Variants in MBD5 observed in about 807,000 individuals in gnomAD.
MBD5 encodes methyl-CpG-binding domain protein 5.
Under a neutral mutation model 117.3 loss-of-function variants are expected in MBD5, and 13 were observed. The observed-to-expected ratio is 0.11, with a 90% CI of 0.07 to 0.18. The LOEUF is 0.18. MBD5 is among the 10% of genes least tolerant of loss of function. The pLI, the probability that MBD5 is intolerant of heterozygous loss-of-function variation, is 1.00. For synonymous variants in MBD5, 727 were observed against 766.4 expected (o/e 0.95, Z 0.85); for missense variants, 1,879 against 2,093.8 (o/e 0.90, Z 2.00).
rs927931779 is a variant in MBD5, at chr2:148,515,327, A to G, written c.*2386A>G. ...ATTGTATACTTTACATAAGTAGACCATGTAAAGTATGTTTGTGCCCATGAT... is the reference window on the plus strand; with the variant it reads ...ATTGTATACTTTACATAAGTAGACCGTGTAAAGTATGTTTGTGCCCATGAT... On this transcript the variant is annotated 3_prime_UTR_variant, in exon 14 of 14. Coordinates refer to ENST00000642680, the MANE Select transcript of MBD5 (RefSeq NM_001378120.1). 3 of 152,210 alleles carry G rather than the reference A, an allele frequency of 2.0e-5. No individual in the cohort carries two copies. Among genetic ancestry groups the G allele is most frequent in the Admixed American group, 6.5e-5 (1 of 15,278 alleles). 9.4% of individuals were successfully genotyped at this position (152,210 alleles called of 1,614,324 possible).
In MBD5 at chr2:148,440,183, AC is replaced by A. The variant is rs1423544470; in HGVS notation, c.-556-18019del. Reference sequence around the variant, plus strand: ...AGACTACTGATAAAATAATTTGAAAACTAGTCTAATCTATTATTTTTACAAA... The same window carrying A: ...AGACTACTGATAAAATAATTTGAAAATAGTCTAATCTATTATTTTTACAAA... On this transcript the variant is annotated intron_variant, in intron 4 of 13. Coordinates refer to ENST00000642680, the MANE Select transcript of MBD5 (RefSeq NM_001378120.1). Among the ~76,000 whole-genome samples the A allele has an allele frequency of 2.0e-5, 3 of 152,332 alleles. No individual in the cohort carries two copies. The East Asian group carries it at 5.8e-4, about 29-fold the overall frequency.
At chr2:148,083,346 C>T (rs551630238) in intron 1 of MBD5, among the ~76,000 whole-genome samples, 30 of 151,990 alleles carry the variant, frequency 2.0e-4, no homozygotes, top group African/African-American at 5.5e-4. Context: ...AATATTTTTG[C>T]GAAAGGATTG....
At chr2:148,461,420 A>G (rs1366841837) in intron 5 of MBD5, among the ~76,000 whole-genome samples, 2 of 152,206 alleles carry the variant, frequency 1.3e-5, no homozygotes, top group Non-Finnish European at 2.9e-5. Flanking sequence ...AATTACTTTC[A>G]TAAGTGTCCA....
intron 1 of MBD5, among the ~76,000 whole-genome samples, chr2:148,065,852 C>T (rs1695174052): frequency 1.3e-5 from 2 of 152,206 alleles, no homozygotes; most frequent in South Asian, 4.2e-4. Flanking sequence ...CAAAACAAAG[C>T]TAAAAAGATG....
At chr2:148,435,430 G>A (rs575950992) in intron 4 of MBD5, among the ~76,000 whole-genome samples, 6 of 152,262 alleles carry the variant, frequency 3.9e-5, no homozygotes, top group Admixed American at 3.9e-4. Flanking sequence ...TTATAAGGCA[G>A]GTCTGGTAGT....
At chr2:148,359,501 A>T (rs1420645377) in intron 4 of MBD5, among the ~76,000 whole-genome samples, 2 of 152,156 alleles carry the variant, frequency 1.3e-5, no homozygotes, top group African/African-American at 4.8e-5. Context: ...TTGGTCCTTT[A>T]AAAGGGCACT....
At chr2:148,169,955 T>C in intron 1 of MBD5, among the ~76,000 whole-genome samples, 1 of 151,492 alleles carries the variant, frequency 6.6e-6, no homozygotes. Context: ...TGGAGTGCAG[T>C]GGCGCGATCT....
At chr2:148,283,232 C>T (rs1487577230) in intron 3 of MBD5, among the ~76,000 whole-genome samples, 2 of 152,120 alleles carry the variant, frequency 1.3e-5, no homozygotes, top group East Asian at 3.8e-4. Context: ...CAGCAGCTTC[C>T]TTCCATATTT....
chr2:148,113,796 G>C (rs1696556338), intron 1 of MBD5, among the ~76,000 whole-genome samples: 2 of 152,066 alleles, frequency 1.3e-5, no homozygotes. Context: ...CTGTTACAAA[G>C]TAATATCTTT....
chr2:148,290,159 C>T (rs1044307893), intron 3 of MBD5, among the ~76,000 whole-genome samples: 11 of 143,986 alleles, frequency 7.6e-5, no homozygotes, highest in African/African-American at 2.1e-4. Flanking sequence ...TGTTTCACCA[C>T]GTTGGCCAGG....
chr2:148,041,577 T>C, intron 1 of MBD5, among the ~76,000 whole-genome samples: 1 of 152,208 alleles, frequency 6.6e-6, no homozygotes, highest in East Asian at 1.9e-4. Flanking sequence ...AGGAGAAAGA[T>C]GAGAACCAGT....
At chr2:148,387,436 C>G (rs146708773) in intron 4 of MBD5, among the ~76,000 whole-genome samples, 3 of 152,138 alleles carry the variant, frequency 2.0e-5, no homozygotes, top group African/African-American at 7.2e-5. Flanking sequence ...GAACATACAG[C>G]AAGTATCATT....
At chr2:148,046,028 G>C (rs1269498203) in intron 1 of MBD5, among the ~76,000 whole-genome samples, 1 of 134,760 alleles carries the variant, frequency 7.4e-6, no homozygotes, top group Non-Finnish European at 1.5e-5. Flanking sequence ...GGTGTTGCCA[G>C]GCTGGAGTGC....
chr2:148,482,619 T>C (rs954780246), intron 8 of MBD5, among the ~76,000 whole-genome samples: 23 of 152,336 alleles, frequency 1.5e-4, no homozygotes, highest in African/African-American at 5.3e-4. Flanking sequence ...GCCTTATATT[T>C]TTATGTGCAT....
At chr2:148,453,770 G>A (rs2105500975) in intron 4 of MBD5, among the ~76,000 whole-genome samples, 1 of 152,002 alleles carries the variant, frequency 6.6e-6, no homozygotes, top group Middle Eastern at 3.4e-3. Flanking sequence ...TCTTGGATGA[G>A]TCTATATAGA....
intron 1 of MBD5, among the ~76,000 whole-genome samples, chr2:148,109,191 G>GGGAGGATCACTTGAGGCCAGGAGGT (rs1696447505): frequency 6.6e-6 from 1 of 152,082 alleles, no homozygotes; most frequent in African/African-American, 2.4e-5. Flanking sequence ...AGGCTGAGGT[G>GGGAGGATCACTTGAGGCCAGGAGGT]GGAGGATCAC....
chr2:148,230,525 C>T (rs1296831825), intron 2 of MBD5, among the ~76,000 whole-genome samples: 1 of 152,114 alleles, frequency 6.6e-6, no homozygotes, highest in Admixed American at 6.5e-5. Context: ...CAATAACCTG[C>T]TTGGTGCTCT....
chr2:148,441,679 A>C (rs530004932), intron 4 of MBD5, among the ~76,000 whole-genome samples: 38 of 152,250 alleles, frequency 2.5e-4, no homozygotes, highest in African/African-American at 8.9e-4. Flanking sequence ...AGGAATCGCC[A>C]CACCGACTTC....
At chr2:148,378,410 C>G (rs1704048118) in intron 4 of MBD5, among the ~76,000 whole-genome samples, 1 of 152,016 alleles carries the variant, frequency 6.6e-6, no homozygotes. Context: ...ATTTCATTTC[C>G]TTATTTTAAG....
Sources: allele counts gnomAD v4.1 joint callset (sites outside exome capture counted in the v4.1 genomes callset), GRCh38; gene constraint gnomAD v4.1.1; transcripts MANE v1.5; gene names NCBI Gene and HGNC (gene_info 2026-07-23, HGNC 2026-07-21).